Variants in PLIN2 observed in about 807,000 individuals in gnomAD.
PLIN2 encodes the protein perilipin-2.
PLIN2 carries 33 observed loss-of-function variants against 30.6 expected under a neutral mutation model. The ratio of observed to expected loss-of-function variants is 1.08; its 90% CI spans 0.82 to 1.44. The LOEUF is 1.44. Ranked by LOEUF, PLIN2 falls within the 40% of genes most tolerant of loss-of-function variation. The pLI is 0.00. For synonymous variants in PLIN2, 205 were observed against 201.1 expected (o/e 1.02, Z -0.16); for missense variants, 610 against 531.8 (o/e 1.15, Z -1.45).
rs1818221501 is a variant in PLIN2 at position 19,116,340 on chromosome 9, G to C, written c.1222C>G (p.Gln408Glu). 1 of 1,614,000 alleles carries C rather than the reference G, an allele frequency of 6.2e-7. No homozygotes were observed. ...LNWLVGPFYP[Q>E]LTESQNAQDQ... Reference sequence around the variant, plus strand: ...TGAGCATTCTGAGACTCAGTCAGCTGAGGATAAAAGGGACCTACCAGCCAG... The same window carrying C: ...TGAGCATTCTGAGACTCAGTCAGCTCAGGATAAAAGGGACCTACCAGCCAG... The change falls in exon 8 of 8, where the codon CAG becomes GAG. Residue 408 changes from glutamine (Q) to glutamate (E), a missense_variant. Transcript: ENST00000276914.
rs757798905 is a variant in PLIN2, at chr9:19,118,355, C to T, written c.878G>A (p.Gly293Glu). The T allele has an allele frequency of 2.4e-5, 39 of 1,613,612 alleles. No homozygotes were observed. In the South Asian group the frequency reaches 3.3e-4, roughly 14 times the overall value. Residue 293 changes from glycine (G) to glutamate (E), a missense_variant, in exon 7 of 8, where the codon GGA becomes GAA. Physicochemically the swap from Gly to Glu is moderately conservative, Grantham distance 98. Transcript: ENST00000276914. ...LSWVEWKRSI[G>E]YDDTDESHCA... ...GTGGGACTCATCAGTATCATCATAT[C>T]CAATGCTCCTTTTCCACTCTACCCA...
At chr9:19,114,696 G>A (rs773398557), downstream of PLIN2, among the ~76,000 whole-genome samples, 7 of 152,078 alleles carry the variant, frequency 4.6e-5, no homozygotes, top group African/African-American at 7.2e-5. Flanking sequence ...GAGCCACAGC[G>A]CCTGGCCTAT....
At position 19,118,193 on chromosome 9, in the gene PLIN2, A is replaced by G. The variant is rs779969766; in HGVS notation, c.912+128T>C. 768 of 891,710 alleles carry G rather than the reference A, an allele frequency of 8.6e-4. 2 individuals carry two copies. The highest frequency in any genetic ancestry group is 1.2e-3 in the Non-Finnish European group (697 of 592,000). The allele number at this position is 891,710 out of a possible 1,614,324, so 55.2% of individuals were successfully genotyped here. ...TTTTCTGCCACATAACTAGCCACCTATGTACATGGTATTGTTCAACCTTTT... is the reference window on the plus strand; with the variant it reads ...TTTTCTGCCACATAACTAGCCACCTGTGTACATGGTATTGTTCAACCTTTT... On this transcript the variant is annotated intron_variant, in intron 7 of 7. Transcript: ENST00000276914.
At chr9:19,125,890 T>A (rs1312842102) in intron 3 of PLIN2, 29 of 430,808 alleles carry the variant, frequency 6.7e-5, no homozygotes, top group Non-Finnish European at 1.0e-4. Flanking sequence ...GCCACTGAAC[T>A]CCAGCCTGAG....
Position 19,116,146 on chromosome 9 carries a change from A to G in PLIN2, c.*102T>C. ...AACTACAATTGAGGGCCTTTATACT[A>G]GCTACTTGCTTCCCAATTTAGGGTT... On this transcript the variant is annotated 3_prime_UTR_variant, in exon 8 of 8. Coordinates refer to ENST00000276914, the MANE Select transcript of PLIN2 (RefSeq NM_001122.4). The G allele has an allele frequency of 8.8e-7, 1 of 1,141,326 alleles. No individual in the cohort carries two copies. Among genetic ancestry groups the G allele is most frequent in the Non-Finnish European group, 1.2e-6 (1 of 809,190 alleles). The allele number at this position is 1,141,326 out of a possible 1,614,324, so 70.7% of individuals were successfully genotyped here.
chr9:19,121,379 G>C (rs1818312859), intron 4 of PLIN2, among the ~76,000 whole-genome samples: 1 of 151,938 alleles, frequency 6.6e-6, no homozygotes, highest in African/African-American at 2.4e-5. Context: ...GGGAATTGCA[G>C]GAGGAGCAAA....
intron 6 of PLIN2, 80 bp from the exon 7 acceptor site, chr9:19,118,535 C>G: frequency 7.6e-7 from 1 of 1,308,214 alleles, no homozygotes; most frequent in Non-Finnish European, 1.0e-6. Flanking sequence ...TGATGTAAAT[C>G]AGGCAACATA....
At chr9:19,121,489 C>CAA (rs375474450) in intron 4 of PLIN2, among the ~76,000 whole-genome samples, 29 of 44,876 alleles carry the variant, frequency 6.5e-4, no homozygotes, top group African/African-American at 1.0e-3. Context: ...GACCCTGTCT[C>CAA]AAAAAAAAAA....
chr9:19,111,335 A>T (rs1303454361), downstream of PLIN2, among the ~76,000 whole-genome samples: 3 of 152,192 alleles, frequency 2.0e-5, no homozygotes, highest in Non-Finnish European at 2.9e-5. Flanking sequence ...GGCATGAGCC[A>T]CCGCACCTGG....
chr9:19,125,977 G>A (rs1344948446), intron 3 of PLIN2, 137 bp downstream of exon 3: 5 of 636,070 alleles, frequency 7.9e-6, no homozygotes, highest in Non-Finnish European at 1.4e-5. Context: ...ACGGTAATGA[G>A]GGTCACCTGA....
intron 4 of PLIN2, among the ~76,000 whole-genome samples, chr9:19,122,715 G>A (rs905096751): frequency 3.3e-5 from 5 of 152,014 alleles, no homozygotes; most frequent in African/African-American, 1.2e-4. Context: ...AGTCAGAGGC[G>A]GCATTAGATT....
chr9:19,124,796 A>C (rs1818370510), intron 3 of PLIN2, among the ~76,000 whole-genome samples: 1 of 152,238 alleles, frequency 6.6e-6, no homozygotes, highest in Non-Finnish European at 1.5e-5. Flanking sequence ...CAGAAGCATT[A>C]TACATAATCT....
In PLIN2 at chr9:19,116,206, T is replaced by C. The variant is rs1818218506; in HGVS notation, c.*42A>G. ...GTTAATTTCAACATAACAAAAGGTG[T>C]CATCTGTCTGGCCACAGCATGCACT... is the stretch of plus-strand genomic sequence containing the variant. On this transcript the variant is annotated 3_prime_UTR_variant, in exon 8 of 8. Transcript: ENST00000276914. 1 of 1,509,762 alleles carries C rather than the reference T, an allele frequency of 6.6e-7. No individual in the cohort carries two copies. Among genetic ancestry groups the C allele is most frequent in the Middle Eastern group, 2.5e-4 (1 of 4,006 alleles). The allele number at this position is 1,509,762 out of a possible 1,614,324, so 93.5% of individuals were successfully genotyped here. A position where few individuals can be genotyped will look rare whatever the true frequency, so the allele number is the denominator to read the frequency against.
chr9:19,120,540 G>T (rs1434506590), intron 5 of PLIN2, among the ~76,000 whole-genome samples: 1 of 152,140 alleles, frequency 6.6e-6, no homozygotes, highest in Non-Finnish European at 1.5e-5. Flanking sequence ...GATTGCTTTA[G>T]GAAGGAAAAT....
At chr9:19,120,398 A>G (rs1326385517) in intron 5 of PLIN2, among the ~76,000 whole-genome samples, 1 of 152,188 alleles carries the variant, frequency 6.6e-6, no homozygotes, top group Non-Finnish European at 1.5e-5. Context: ...ACATTACCTA[A>G]TGATGATTCT....
intron 4 of PLIN2, among the ~76,000 whole-genome samples, chr9:19,121,423 C>T (rs1036334887): frequency 7.0e-6 from 1 of 142,588 alleles, no homozygotes; most frequent in Non-Finnish European, 1.5e-5. Context: ...GTCTGTTTGC[C>T]AAGGCTGCAG....
intron 5 of PLIN2, 142 bp downstream of exon 5, chr9:19,120,738 G>A: frequency 3.1e-6 from 2 of 645,102 alleles, no homozygotes; most frequent in Non-Finnish European, 5.4e-6. Context: ...ATCTTTTGGG[G>A]TAGCAGAAGT....
At position 19,116,387 on chromosome 9, in the gene PLIN2, A is replaced by G; in HGVS notation, c.1175T>C (p.Leu392Pro). The change falls in exon 8 of 8, where the codon CTT (leucine) becomes CCT (proline). Residue 392 changes from leucine to proline, a missense_variant. Transcript: ENST00000276914. ...KESLDDVMDY[L>P]VNNTPLNWLV... ...CCAGTTGAGGGGCGTGTTGTTAACAAGATAATCCATCACGTCATCTAAAGA... is the reference window on the plus strand; with the variant it reads ...CCAGTTGAGGGGCGTGTTGTTAACAGGATAATCCATCACGTCATCTAAAGA... 1.7e-5 allele frequency: 27 copies of G among 1,614,224 alleles called. No homozygotes were observed. The highest frequency in any genetic ancestry group is 2.2e-5 in the Non-Finnish European group (26 of 1,180,044).
Position 19,116,602 on chromosome 9 carries a change from C to T in PLIN2, c.960G>A (p.Gln320=), listed in dbSNP as rs1401666220. The T allele has an allele frequency of 1.9e-6, 3 of 1,613,930 alleles. No homozygotes were observed. The highest frequency in any genetic ancestry group is 2.7e-5 in the African/African-American group (2 of 74,904). Residue 320 remains glutamine (Q), a synonymous_variant, in exon 8 of 8, where the codon CAG becomes CAA. Transcript: ENST00000276914. ...TLAIARNLTQ[Q]LQTTCHTLLS... is the part of the protein sequence containing the mutation. ...GGAGGGTGTGGCACGTGGTCTGGAG[C>T]TGCTGAGTCAGGTTGCGGGCAATTG...
Sources: gnomAD v4.1 joint callset for allele counts (sites outside exome capture counted in the v4.1 genomes callset) on GRCh38, gnomAD v4.1.1 for gene constraint, MANE v1.5 for transcripts, NCBI Gene and HGNC (gene_info 2026-07-23, HGNC 2026-07-21) for gene names.